The following TASP1 variants were observed in gnomAD, a reference collection of about 807,000 sequenced individuals.
TASP1 encodes the protein taspase 1.
TASP1 carries 16 observed loss-of-function variants against 56.6 expected under a neutral mutation model. The observed-to-expected ratio is 0.28, with a 90% CI of 0.19 to 0.43. The LOEUF is 0.43. TASP1 is among the 20% of genes least tolerant of loss of function. TASP1 has a pLI of 1.00. For synonymous variants in TASP1, 179 were observed against 184.2 expected, an observed-to-expected ratio of 0.97 and a Z score of 0.23; for missense variants, 393 against 511.6, an observed-to-expected ratio of 0.77 and a Z score of 2.24.
At chr20:13,546,348 T>C (rs2146977195) in intron 8 of TASP1, among the ~76,000 whole-genome samples, 1 of 152,340 alleles carries the variant, frequency 6.6e-6, no homozygotes, top group East Asian at 1.9e-4. Flanking sequence ...GAGCACTGCC[T>C]GTTTCTTGGG....
intron 13 of TASP1, among the ~76,000 whole-genome samples, chr20:13,400,969 T>G (rs1239505596): frequency 6.6e-6 from 1 of 152,186 alleles, no homozygotes; most frequent in East Asian, 1.9e-4. Context: ...TTCTAACAGA[T>G]AGACTTGATT....
the TASP1 span, among the ~76,000 whole-genome samples, chr20:13,223,560 T>C: frequency 6.6e-6 from 1 of 152,228 alleles, no homozygotes; most frequent in Non-Finnish European, 1.5e-5. Context: ...AGCAAGGTGA[T>C]TATTGCACGC....
At chr20:13,495,470 G>A (rs2043687460) in intron 10 of TASP1, among the ~76,000 whole-genome samples, 1 of 152,104 alleles carries the variant, frequency 6.6e-6, no homozygotes, top group Non-Finnish European at 1.5e-5. Context: ...CTCTGAAGGA[G>A]GAAGGAGAAA....
chr20:13,108,770 T>A, the TASP1 span, among the ~76,000 whole-genome samples: 3 of 152,180 alleles, frequency 2.0e-5, no homozygotes, highest in African/African-American at 7.2e-5. Context: ...GAGACTGGGT[T>A]TCACCATGTT....
intron 11 of TASP1, among the ~76,000 whole-genome samples, chr20:13,468,109 AACAAAT>A (rs934472756): frequency 6.6e-6 from 1 of 152,192 alleles, no homozygotes; most frequent in Non-Finnish European, 1.5e-5. Context: ...AAATTTTCCT[AACAAAT>A]ACAATTACAG....
chr20:13,601,013 C>T (rs1249273762), intron 4 of TASP1, among the ~76,000 whole-genome samples: 4 of 152,258 alleles, frequency 2.6e-5, no homozygotes, highest in East Asian at 3.9e-4. Flanking sequence ...TGGTGGCTCA[C>T]GCCTGTAATC....
the TASP1 span, chr20:13,110,353 C>A: frequency 3.8e-4 from 253 of 673,046 alleles, 1 homozygote; most frequent in African/African-American, 4.3e-3. Flanking sequence ...TGAGACAGAG[C>A]CACCAATGGG....
the TASP1 span, among the ~76,000 whole-genome samples, chr20:13,233,211 CCTGGTATGGATTTTGAG>C: frequency 6.6e-6 from 1 of 151,916 alleles, no homozygotes; most frequent in Admixed American, 6.6e-5. Context: ...GACATAGAAA[CCTGGTATGGATTTTGAG>C]CTCAACATGA....
the TASP1 span, among the ~76,000 whole-genome samples, chr20:13,272,800 C>T: frequency 5.1e-4 from 77 of 152,314 alleles, 1 homozygote; most frequent in African/African-American, 1.6e-3. Context: ...GACTTCATAC[C>T]GTTGCTCAAC....
chr20:13,614,991 T>A, intron 4 of TASP1: 1 of 287,176 alleles, frequency 3.5e-6, no homozygotes, highest in South Asian at 3.7e-5. Context: ...GACAATAATA[T>A]GGAAACATCA....
the TASP1 span, chr20:13,279,889 C>T: frequency 6.2e-7 from 1 of 1,613,758 alleles, no homozygotes; most frequent in Non-Finnish European, 8.5e-7. Context: ...CAAAGATCAG[C>T]CAGAATATGG....
At chr20:13,298,874 C>A in the TASP1 span, 2 of 1,521,846 alleles carry the variant, frequency 1.3e-6, no homozygotes, top group Non-Finnish European at 8.9e-7. Context: ...GTGTCACATG[C>A]TCCTTGAAGC....
chr20:13,394,084 C>A (rs1281947832), intron 13 of TASP1, among the ~76,000 whole-genome samples: 1 of 150,634 alleles, frequency 6.6e-6, no homozygotes, highest in East Asian at 2.0e-4. Flanking sequence ...AGTTCGAGAC[C>A]AGCCTGGCCA....
intron 10 of TASP1, among the ~76,000 whole-genome samples, chr20:13,517,768 T>A (rs1016307540): frequency 6.6e-6 from 1 of 152,150 alleles, no homozygotes; most frequent in South Asian, 2.1e-4. Flanking sequence ...GAATTCTACA[T>A]AATTGCATAC....
chr20:13,343,832 A>C, the TASP1 span, among the ~76,000 whole-genome samples: 1 of 151,952 alleles, frequency 6.6e-6, no homozygotes, highest in South Asian at 2.1e-4. Context: ...GGATCCCAAC[A>C]AGTGGAATCT....
chr20:13,443,912 T>C (rs994257023), intron 11 of TASP1, among the ~76,000 whole-genome samples: 5 of 151,852 alleles, frequency 3.3e-5, no homozygotes, highest in Non-Finnish European at 7.4e-5. Context: ...GCCAGTGGAG[T>C]AGAGTTAGGA....
chr20:13,507,158 C>A (rs1046435405), intron 10 of TASP1, among the ~76,000 whole-genome samples: 4 of 151,906 alleles, frequency 2.6e-5, no homozygotes, highest in Non-Finnish European at 5.9e-5. Context: ...GAAAATAATC[C>A]CATTTATAAT....
the TASP1 span, among the ~76,000 whole-genome samples, chr20:13,178,577 T>A: frequency 1.3e-5 from 2 of 151,578 alleles, no homozygotes; most frequent in African/African-American, 4.9e-5. Context: ...TCAAAAAGAA[T>A]GAAATCCTGT....
At chr20:13,116,317 C>T in the TASP1 span, among the ~76,000 whole-genome samples, 4 of 152,252 alleles carry the variant, frequency 2.6e-5, no homozygotes, top group East Asian at 7.7e-4. Flanking sequence ...CTAACCTAAA[C>T]GGTTGTTTGA....
Sources: gnomAD v4.1 joint callset for allele counts (sites outside exome capture counted in the v4.1 genomes callset) on GRCh38, gnomAD v4.1.1 for gene constraint, MANE v1.5 for transcripts, NCBI Gene and HGNC (gene_info 2026-07-23, HGNC 2026-07-21) for gene names.